The following SEMA4D variants were observed in gnomAD, a reference collection of about 807,000 sequenced individuals.
SEMA4D encodes the protein semaphorin 4D.
In SEMA4D, 22 loss-of-function variants were observed where a neutral mutation model predicts 74.8. That is an observed-to-expected ratio of 0.29 (90% CI 0.21 to 0.42). SEMA4D has a LOEUF of 0.42. Among genes scored for constraint, SEMA4D ranks in the 10% least tolerant of loss-of-function variants. The pLI is 1.00. For missense variants in SEMA4D, 937 were observed against 1,118.4 expected (o/e 0.84, Z 2.31); for synonymous variants, 445 against 463.7 (o/e 0.96, Z 0.52).
intron 2 of SEMA4D, among the ~76,000 whole-genome samples, chr9:89,451,210 T>C (rs1273498820): frequency 6.6e-6 from 1 of 152,166 alleles, no homozygotes; most frequent in Non-Finnish European, 1.5e-5. Flanking sequence ...TCCCCAAGTA[T>C]TTTATCTGGC....
At chr9:89,417,832 G>A (rs1846048080) in intron 2 of SEMA4D, among the ~76,000 whole-genome samples, 2 of 152,218 alleles carry the variant, frequency 1.3e-5, no homozygotes, top group South Asian at 4.1e-4. Context: ...GCTGGGACAA[G>A]CAGTGGCAGA....
Position 89,449,945 on chromosome 9 carries a change from A to G in SEMA4D, c.-244+5943T>C, listed in dbSNP as rs1303188232. 3.3e-6 allele frequency: 5 copies of G among 1,509,018 alleles called. No homozygotes were observed. The African/African-American group carries it at 6.9e-5, about 21-fold the overall frequency. The allele number at this position is 1,509,018 out of a possible 1,614,324, so 93.5% of individuals were successfully genotyped here. A position where few individuals can be genotyped will look rare whatever the true frequency, so the allele number is the denominator to read the frequency against. ...TAGCTCGTACTTTTCTGACTGATGT[A>G]GCTCAGGGGACCCAAGTAACAGGGA... is the stretch of plus-strand genomic sequence containing the variant. On this transcript the variant is annotated intron_variant, in intron 2 of 15. Coordinates refer to ENST00000422704, the MANE Select transcript of SEMA4D (RefSeq NM_001371194.2).
chr9:89,422,583 C>T (rs889897690), intron 2 of SEMA4D, among the ~76,000 whole-genome samples: 3 of 152,270 alleles, frequency 2.0e-5, no homozygotes, highest in Non-Finnish European at 2.9e-5. Flanking sequence ...TGCGCATCCC[C>T]GTGCCGTTTA....
chr9:89,462,973 G>GGGGA (rs1258876680), intron 1 of SEMA4D, among the ~76,000 whole-genome samples: 3 of 82,956 alleles, frequency 3.6e-5, no homozygotes, highest in African/African-American at 1.4e-4. Flanking sequence ...AGCGAGGGGA[G>GGGGA]GGGAGCGAGG....
downstream of SEMA4D, among the ~76,000 whole-genome samples, chr9:89,374,282 C>T (rs1835496655): frequency 6.6e-6 from 1 of 152,258 alleles, no homozygotes; most frequent in Non-Finnish European, 1.5e-5. Context: ...CCTGGCCACA[C>T]TGCTGCAAGC....
At chr9:89,491,480 G>A (rs998509078) in intron 1 of SEMA4D, among the ~76,000 whole-genome samples, 2 of 152,210 alleles carry the variant, frequency 1.3e-5, no homozygotes, top group African/African-American at 4.8e-5. Context: ...TGACGCAGGT[G>A]AATGGCTTGA....
chr9:89,374,570 C>T (rs1214679173), downstream of SEMA4D, among the ~76,000 whole-genome samples: 1 of 152,184 alleles, frequency 6.6e-6, no homozygotes, highest in Non-Finnish European at 1.5e-5. Context: ...GTTCCCAGCC[C>T]TTCTATCACC....
At chr9:89,451,063 T>C (rs1854381332) in intron 2 of SEMA4D, among the ~76,000 whole-genome samples, 1 of 152,190 alleles carries the variant, frequency 6.6e-6, no homozygotes, top group Non-Finnish European at 1.5e-5. Context: ...ACTCTCTGCT[T>C]GGTCAAGGTT....
At chr9:89,363,563 G>A in intron 17 of SEMA4D, 1 of 1,612,486 alleles carries the variant, frequency 6.2e-7, no homozygotes, top group Non-Finnish European at 8.5e-7. Flanking sequence ...TCAAAGCTCT[G>A]TGGGCCTTTA....
chr9:89,485,569 A>C (rs1185149728), intron 1 of SEMA4D, among the ~76,000 whole-genome samples: 3 of 152,026 alleles, frequency 2.0e-5, no homozygotes, highest in Non-Finnish European at 4.4e-5. Context: ...CGGGAGGATC[A>C]CCTGAGGTCG....
chr9:89,386,379 C>T lies in SEMA4D; in HGVS notation c.1434G>A (p.Leu478=). The T allele has an allele frequency of 2.5e-6, 4 of 1,612,856 alleles. No individual in the cohort carries two copies. The highest frequency in any genetic ancestry group is 1.1e-5 in the South Asian group (1 of 91,036). Residue 478 remains leucine (L), a synonymous_variant, in exon 13 of 16, where the codon CTG becomes CTA. Transcript: ENST00000422704. ...TGCGTCACTTTACCTTCTTTGAAGACAGCAGCAGGGTCTGGACTGGCTCAA... is the reference window on the plus strand; with the variant it reads ...TGCGTCACTTTACCTTCTTTGAAGATAGCAGCAGGGTCTGGACTGGCTCAA... ...QDFEPVQTLL[L]SSKKGNRFVY... is the part of the protein sequence containing the mutation.
At chr9:89,364,119 C>T (rs1487139833) in intron 16 of SEMA4D, 2 of 1,414,220 alleles carry the variant, frequency 1.4e-6, no homozygotes, top group Non-Finnish European at 1.9e-6. Flanking sequence ...TCCCCATGGC[C>T]AGCGGGAGCC....
At chr9:89,447,898 G>A (rs980117635) in intron 2 of SEMA4D, among the ~76,000 whole-genome samples, 1 of 152,312 alleles carries the variant, frequency 6.6e-6, no homozygotes, top group South Asian at 2.1e-4. Context: ...CAGGCATGGC[G>A]CCAGCCTTGG....
intron 2 of SEMA4D, chr9:89,449,942 T>G (rs1219123807): frequency 6.7e-7 from 1 of 1,501,748 alleles, no homozygotes. Flanking sequence ...TTCTGACTGA[T>G]GTAGCTCAGG....
chr9:89,438,969 T>A (rs1359893792), intron 2 of SEMA4D, among the ~76,000 whole-genome samples: 8 of 10,642 alleles, frequency 7.5e-4, no homozygotes, highest in Non-Finnish European at 1.7e-3. Flanking sequence ...CGGGCCTTTT[T>A]TTTTTTTTTT....
intron 1 of SEMA4D, among the ~76,000 whole-genome samples, chr9:89,494,825 T>C (rs1017838666): frequency 2.5e-4 from 38 of 152,210 alleles, no homozygotes; most frequent in African/African-American, 9.2e-4. Context: ...ATCCCAAACA[T>C]CATTTCATCT....
At chr9:89,380,940 C>A in intron 15 of SEMA4D, 115 bp downstream of exon 15, 1 of 1,272,602 alleles carries the variant, frequency 7.9e-7, no homozygotes, top group East Asian at 2.4e-5. Context: ...GACCTCTGTT[C>A]CGAGTGGAGA....
At chr9:89,493,352 T>C (rs1825771619) in intron 1 of SEMA4D, among the ~76,000 whole-genome samples, 1 of 152,128 alleles carries the variant, frequency 6.6e-6, no homozygotes, top group African/African-American at 2.4e-5. Flanking sequence ...AGCACAACAA[T>C]GAACATGTGC....
At chr9:89,391,980 C>T (rs181301692) in intron 8 of SEMA4D, among the ~76,000 whole-genome samples, 1 of 152,342 alleles carries the variant, frequency 6.6e-6, no homozygotes, top group Admixed American at 6.5e-5. Flanking sequence ...TGAAGACGGA[C>T]ATCGGACATG....
Sources: gnomAD v4.1 joint callset for allele counts (sites outside exome capture counted in the v4.1 genomes callset) on GRCh38, gnomAD v4.1.1 for gene constraint, MANE v1.5 for transcripts, NCBI Gene and HGNC (gene_info 2026-07-23, HGNC 2026-07-21) for gene names.